Variants in MARCHF11 observed in about 807,000 individuals in gnomAD.
The protein encoded by MARCHF11 is E3 ubiquitin-protein ligase MARCHF11.
Under a neutral mutation model 37.3 loss-of-function variants are expected in MARCHF11, and 29 were observed. The observed-to-expected ratio is 0.78, with a 90% CI of 0.58 to 1.06. The LOEUF (loss-of-function observed/expected upper bound fraction) is 1.06, where lower values mean the gene tolerates loss of function less well. Ranked by LOEUF, MARCHF11 falls within the 50% of genes least tolerant of loss-of-function variation. The pLI, the probability that MARCHF11 is intolerant of heterozygous loss-of-function variation, is 0.00. For missense variants in MARCHF11, 482 were observed against 533.4 expected, an observed-to-expected ratio of 0.90 and a Z score of 0.95; for synonymous variants, 233 against 228.0, an observed-to-expected ratio of 1.02 and a Z score of -0.20.
chr5:16,078,394 T>C (rs977679025), intron 3 of MARCHF11, among the ~76,000 whole-genome samples: 4 of 152,234 alleles, frequency 2.6e-5, no homozygotes, highest in Admixed American at 6.5e-5. Context: ...TTACTGGAGA[T>C]GCATTTTTAA....
chr5:16,089,296 C>T (rs539995404), intron 3 of MARCHF11, among the ~76,000 whole-genome samples: 4 of 152,160 alleles, frequency 2.6e-5, no homozygotes, highest in African/African-American at 9.6e-5. Context: ...ACAGAATAAA[C>T]ACTGTCTTTG....
intron 2 of MARCHF11, among the ~76,000 whole-genome samples, chr5:16,140,284 T>G (rs995646968): frequency 6.6e-5 from 10 of 151,936 alleles, no homozygotes; most frequent in African/African-American, 2.4e-4. Flanking sequence ...GATAAACCCT[T>G]AAATAACCAA....
chr5:16,150,810 A>T (rs1469394092), intron 2 of MARCHF11, among the ~76,000 whole-genome samples: 3 of 152,010 alleles, frequency 2.0e-5, no homozygotes, highest in Non-Finnish European at 4.4e-5. Context: ...CTTTTATTCT[A>T]TAAGCTTCTT....
intron 3 of MARCHF11, among the ~76,000 whole-genome samples, chr5:16,072,670 A>G (rs1237755221): frequency 6.6e-6 from 1 of 152,060 alleles, no homozygotes; most frequent in Non-Finnish European, 1.5e-5. Context: ...AAGTTGTGTT[A>G]TTTAGCTTTC....
intron 2 of MARCHF11, among the ~76,000 whole-genome samples, chr5:16,172,561 A>G (rs984050716): frequency 1.3e-5 from 2 of 152,198 alleles, no homozygotes; most frequent in African/African-American, 4.8e-5. Flanking sequence ...AGACATTTTT[A>G]AGCCATGAAA....
At chr5:16,119,032 T>G (rs970313969) in intron 2 of MARCHF11, among the ~76,000 whole-genome samples, 3 of 152,124 alleles carry the variant, frequency 2.0e-5, no homozygotes, top group Non-Finnish European at 2.9e-5. Context: ...ATGTAATGAG[T>G]CTTGGAAATA....
chr5:16,088,559 A>C (rs1736737908), intron 3 of MARCHF11, among the ~76,000 whole-genome samples: 1 of 152,196 alleles, frequency 6.6e-6, no homozygotes, highest in Non-Finnish European at 1.5e-5. Context: ...AATTAATTTG[A>C]AATATTAGCA....
chr5:16,102,807 G>A (rs1200506056), intron 2 of MARCHF11, among the ~76,000 whole-genome samples: 1 of 152,148 alleles, frequency 6.6e-6, no homozygotes, highest in Non-Finnish European at 1.5e-5. Context: ...GGCCAGTTTG[G>A]GGTTTGTTCC....
At chr5:16,088,825 G>A (rs1040095632) in intron 3 of MARCHF11, among the ~76,000 whole-genome samples, 4 of 152,072 alleles carry the variant, frequency 2.6e-5, no homozygotes, top group South Asian at 2.1e-4. Flanking sequence ...GAAAAGTGCC[G>A]TCAATATTTA....
chr5:16,077,173 T>A (rs568467789), intron 3 of MARCHF11, among the ~76,000 whole-genome samples: 7 of 152,302 alleles, frequency 4.6e-5, no homozygotes, highest in Non-Finnish European at 1.0e-4. Context: ...GCATGGGGAA[T>A]TGCTTTGGTA....
At chr5:16,124,661 A>G (rs796923215) in intron 2 of MARCHF11, among the ~76,000 whole-genome samples, 7 of 152,308 alleles carry the variant, frequency 4.6e-5, no homozygotes, top group African/African-American at 1.7e-4. Context: ...AAATGGAGTC[A>G]AAACTGGAGG....
At chr5:16,107,945 CACCTCT>C (rs975227024) in intron 2 of MARCHF11, among the ~76,000 whole-genome samples, 1 of 152,096 alleles carries the variant, frequency 6.6e-6, no homozygotes, top group Admixed American at 6.5e-5. Flanking sequence ...TGTTGAGAGC[CACCTCT>C]ACCACTCAGT....
intron 3 of MARCHF11, among the ~76,000 whole-genome samples, chr5:16,076,889 C>G (rs1323320671): frequency 6.6e-6 from 1 of 152,164 alleles, no homozygotes; most frequent in Non-Finnish European, 1.5e-5. Context: ...GCGAAATGGC[C>G]AGTGGCCAGA....
At chr5:16,070,765 C>G (rs1246154423) in intron 3 of MARCHF11, among the ~76,000 whole-genome samples, 1 of 152,294 alleles carries the variant, frequency 6.6e-6, no homozygotes, top group Admixed American at 6.5e-5. Flanking sequence ...AAGACACAGT[C>G]CCTTTGAATT....
intron 2 of MARCHF11, among the ~76,000 whole-genome samples, chr5:16,134,998 T>TCTCACA (rs137865822): frequency 0.14 from 20,605 of 143,504 alleles, 1,546 homozygotes; most frequent in South Asian, 0.23. Context: ...TCTCTCTCTC[T>TCTCACA]CACACACACA....
intron 2 of MARCHF11, among the ~76,000 whole-genome samples, chr5:16,166,988 AACG>A (rs1361689367): frequency 6.7e-6 from 1 of 148,164 alleles, no homozygotes; most frequent in African/African-American, 2.4e-5. Flanking sequence ...ATGAACATAC[AACG>A]ATGTTCATTT....
At chr5:16,177,340 T>C (rs952224675) in intron 2 of MARCHF11, among the ~76,000 whole-genome samples, 1 of 152,204 alleles carries the variant, frequency 6.6e-6, no homozygotes, top group African/African-American at 2.4e-5. Flanking sequence ...TCTCCATAAA[T>C]GGAGCCCATT....
rs141356580 is a variant in MARCHF11 at position 16,075,586 on chromosome 5, GGAGAGA to G, written c.887-7799_887-7794del. On this transcript the variant is annotated intron_variant, in intron 3 of 3. Coordinates refer to ENST00000332432, the MANE Select transcript of MARCHF11 (RefSeq NM_001102562.3). ...AAACTCAGTCTTTGCTGAAAGAGAGGGAGAGAGAGAGAGAGAGAGAGGAGAGTAGCT... is the reference window on the plus strand; with the variant it reads ...AAACTCAGTCTTTGCTGAAAGAGAGGGAGAGAGAGAGAGAGGAGAGTAGCT... Among the ~76,000 whole-genome samples the G allele has an allele frequency of 2.7e-5, 4 of 148,590 alleles. No individual in the cohort carries two copies. The Admixed American group carries it at 2.7e-4, about 10-fold the overall frequency.
intron 2 of MARCHF11, among the ~76,000 whole-genome samples, chr5:16,118,039 A>T (rs1475702982): frequency 6.6e-6 from 1 of 152,260 alleles, no homozygotes; most frequent in Non-Finnish European, 1.5e-5. Context: ...GCATTTTATC[A>T]TGACAGCTAA....
Sources: gnomAD v4.1 joint callset for allele counts (sites outside exome capture counted in the v4.1 genomes callset) on GRCh38, gnomAD v4.1.1 for gene constraint, MANE v1.5 for transcripts, NCBI Gene and HGNC (gene_info 2026-07-23, HGNC 2026-07-21) for gene names.